The following CCZ1B variants were observed in gnomAD, a reference collection of about 807,000 sequenced individuals.
CCZ1B encodes vacuolar fusion protein CCZ1 homolog B.
In CCZ1B, 25 loss-of-function variants were observed where a neutral mutation model predicts 58.8. That is an observed-to-expected ratio of 0.43 (90% CI 0.31 to 0.59). The LOEUF is 0.59. Ranked by LOEUF, CCZ1B falls within the 20% of genes least tolerant of loss-of-function variation. CCZ1B has a pLI of 0.12. For synonymous variants in CCZ1B, 66 were observed against 173.2 expected (o/e 0.38, Z 4.86); for missense variants, 180 against 501.5 (o/e 0.36, Z 6.12).
intron 9 of CCZ1B, among the ~76,000 whole-genome samples, 176 bp downstream of exon 9, chr7:6,812,800 C>T (rs1305474355): frequency 6.7e-6 from 1 of 148,824 alleles, no homozygotes; most frequent in African/African-American, 2.6e-5. Context: ...GTGGCTCATG[C>T]CTGTAGTTCC....
At position 6,817,686 on chromosome 7, in the gene CCZ1B, C is replaced by T. The variant is rs2711246; in HGVS notation, c.698+2080G>A. On this transcript the variant is annotated intron_variant, in intron 7 of 14. Coordinates refer to ENST00000316731, the MANE Select transcript of CCZ1B (RefSeq NM_198097.5). ...AGCAACTATAGCTGAGTCAGTACAG[C>T]GTAAGGTTGCCTGATAAACTATTTG... 1.0e-3 allele frequency among the ~76,000 whole-genome samples: 151 copies of T among 147,744 alleles called. 6 individuals carry two copies. The highest frequency in any genetic ancestry group is 1.5e-3 in the South Asian group (7 of 4,662).
chr7:6,820,342 C>G (rs1288875276), intron 6 of CCZ1B, among the ~76,000 whole-genome samples: 7 of 149,140 alleles, frequency 4.7e-5, no homozygotes, highest in Non-Finnish European at 1.5e-5. Context: ...CCATGCCCAG[C>G]TATTTTTTTC....
chr7:6,818,691 A>C (rs570457089), intron 7 of CCZ1B, among the ~76,000 whole-genome samples: 3 of 62,964 alleles, frequency 4.8e-5, no homozygotes, highest in South Asian at 1.0e-3. Flanking sequence ...GAAAGAAAGA[A>C]AGACAAGAAA....
At chr7:6,815,775 C>G (rs1389864796) in intron 7 of CCZ1B, among the ~76,000 whole-genome samples, 1 of 149,084 alleles carries the variant, frequency 6.7e-6, no homozygotes, top group Non-Finnish European at 1.5e-5. Flanking sequence ...AAAAAAGTCA[C>G]AAGGGATTGG....
chr7:6,817,386 G>A (rs1201210815), intron 7 of CCZ1B, among the ~76,000 whole-genome samples: 3 of 150,934 alleles, frequency 2.0e-5, no homozygotes, highest in Non-Finnish European at 2.9e-5. Context: ...CACCCATGGC[G>A]GGGCTTGTGT....
chr7:6,800,245 G>GGAAGGCA lies in CCZ1B; in HGVS notation c.1393+702_1393+703insTGCCTTC, dbSNP rs1782738930. Reference sequence around the variant, plus strand: ...AGTGGGCAAGGCTGGCCGCTTTGGCGGGAAGGCAGGAGAAAATGTCTGCCT... The same window carrying GGAAGGCA: ...AGTGGGCAAGGCTGGCCGCTTTGGCGGAAGGCAGGAAGGCAGGAGAAAATGTCTGCCT... On this transcript the variant is annotated intron_variant, in intron 14 of 14. Coordinates refer to ENST00000316731, the MANE Select transcript of CCZ1B (RefSeq NM_198097.5). Among the ~76,000 whole-genome samples the GGAAGGCA allele has an allele frequency of 3.0e-5, 4 of 132,916 alleles. No homozygotes were observed. The Admixed American group carries it at 3.1e-4, about 10-fold the overall frequency. The allele number at this position is 132,916 out of a possible 152,430, so 87.2% of individuals were successfully genotyped here. A position where few individuals can be genotyped will look rare whatever the true frequency, so the allele number is the denominator to read the frequency against.
chr7:6,816,945 GTA>G (rs2115121880), intron 7 of CCZ1B, among the ~76,000 whole-genome samples: 1 of 145,022 alleles, frequency 6.9e-6, no homozygotes, highest in African/African-American at 2.7e-5. Context: ...TGCATTTTTT[GTA>G]GAGATACAGT....
chr7:6,813,213 T>C (rs185302067), intron 8 of CCZ1B, among the ~76,000 whole-genome samples, 176 bp from the exon 9 acceptor site: 33 of 149,448 alleles, frequency 2.2e-4, no homozygotes, highest in Admixed American at 8.0e-4. Context: ...TGGCTCACTA[T>C]AGCCTTGAAC....
rs1338263024 is a variant in CCZ1B at position 6,821,165 on chromosome 7, C to T, written c.522+1116G>A. Reference sequence around the variant, plus strand: ...CTGGGATTACAGGCGTGCGCCACCACGCCCAGCTAGTTTTTTGGTATTTTT... The same window carrying T: ...CTGGGATTACAGGCGTGCGCCACCATGCCCAGCTAGTTTTTTGGTATTTTT... On this transcript the variant is annotated intron_variant, in intron 6 of 14. Coordinates refer to ENST00000316731, the MANE Select transcript of CCZ1B (RefSeq NM_198097.5). Among the ~76,000 whole-genome samples the T allele has an allele frequency of 1.2e-4, 18 of 149,708 alleles. 1 individual carries two copies. The highest frequency in any genetic ancestry group is 4.0e-4 in the Admixed American group (6 of 15,044).
chr7:6,815,285 C>T (rs1327418038), intron 7 of CCZ1B, among the ~76,000 whole-genome samples: 3 of 147,978 alleles, frequency 2.0e-5, no homozygotes, highest in Non-Finnish European at 4.5e-5. Context: ...CCCATCTCAG[C>T]CTCCAGACTA....
intron 12 of CCZ1B, among the ~76,000 whole-genome samples, chr7:6,803,672 A>G (rs1487010333): frequency 7.0e-6 from 1 of 143,446 alleles, no homozygotes; most frequent in Non-Finnish European, 1.5e-5. Flanking sequence ...CCATGCAGAA[A>G]TAACATATGG....
intron 14 of CCZ1B, among the ~76,000 whole-genome samples, chr7:6,800,548 G>T (rs566817318): frequency 0.025 from 3,363 of 135,558 alleles, 2 homozygotes; most frequent in Non-Finnish European, 0.037. Flanking sequence ...ACATGCCTGT[G>T]GTCTCAGCTA....
chr7:6,800,566 G>C lies in CCZ1B; in HGVS notation c.1393+382C>G, dbSNP rs1583546090. On this transcript the variant is annotated intron_variant, in intron 14 of 14. Coordinates refer to ENST00000316731, the MANE Select transcript of CCZ1B (RefSeq NM_198097.5). Reference sequence around the variant, plus strand: ...TGCCTGTGGTCTCAGCTACTCTAGAGGCTGAGGTGGGAGGACTGCTTGATC... The same window carrying C: ...TGCCTGTGGTCTCAGCTACTCTAGACGCTGAGGTGGGAGGACTGCTTGATC... Among the ~76,000 whole-genome samples, 2 of 136,448 alleles carry C rather than the reference G, an allele frequency of 1.5e-5. 1 individual carries two copies. Among genetic ancestry groups the C allele is most frequent in the South Asian group, 5.5e-4 (2 of 3,660 alleles). 89.5% of individuals were successfully genotyped at this position (136,448 alleles called of 152,430 possible).
intron 8 of CCZ1B, among the ~76,000 whole-genome samples, chr7:6,813,290 G>A (rs1195795623): frequency 6.7e-6 from 1 of 149,312 alleles, no homozygotes; most frequent in African/African-American, 2.5e-5. Flanking sequence ...AACCTGGCTA[G>A]TTTTTAAATT....
chr7:6,823,475 A>G (rs2711228), intron 4 of CCZ1B, 115 bp from the exon 5 acceptor site: 136 of 1,389,712 alleles, frequency 9.8e-5, no homozygotes, highest in Middle Eastern at 2.0e-4. Flanking sequence ...TATAAACTTC[A>G]TCCCACAATA....
intron 6 of CCZ1B, among the ~76,000 whole-genome samples, chr7:6,821,168 C>G (rs1406701828): frequency 6.7e-6 from 1 of 149,558 alleles, no homozygotes; most frequent in Non-Finnish European, 1.5e-5. Flanking sequence ...GCCACCACGC[C>G]CAGCTAGTTT....
chr7:6,825,664 C>CACACACA (rs899253039), intron 1 of CCZ1B, among the ~76,000 whole-genome samples: 34 of 125,668 alleles, frequency 2.7e-4, no homozygotes, highest in African/African-American at 9.0e-4. Context: ...CACACACACA[C>CACACACA]CCCTCCCGAA....
chr7:6,815,150 T>G (rs1167708656), intron 7 of CCZ1B, among the ~76,000 whole-genome samples: 1 of 144,904 alleles, frequency 6.9e-6, no homozygotes. Flanking sequence ...GCTCATTTTT[T>G]ATTAAAAAAA....
chr7:6,818,727 G>GAAATAAAT (rs148066230), intron 7 of CCZ1B, among the ~76,000 whole-genome samples: 9 of 140,792 alleles, frequency 6.4e-5, no homozygotes, highest in African/African-American at 2.7e-5. Flanking sequence ...AAGAAAGAAA[G>GAAATAAAT]AAAGAAAGAA....
Sources: gnomAD v4.1 joint callset for allele counts (sites outside exome capture counted in the v4.1 genomes callset) on GRCh38, gnomAD v4.1.1 for gene constraint, MANE v1.5 for transcripts, NCBI Gene and HGNC (gene_info 2026-07-23, HGNC 2026-07-21) for gene names.